TMEM232: variants seen among roughly 807,000 people sequenced by gnomAD.
TMEM232 encodes the protein transmembrane protein 232.
TMEM232 carries 80 observed loss-of-function variants against 78.8 expected under a neutral mutation model. The observed-to-expected ratio is 1.01, with a 90% CI of 0.85 to 1.22. The LOEUF (loss-of-function observed/expected upper bound fraction) is 1.22. TMEM232 is among the 50% of genes most tolerant of loss of function. The pLI is 0.00. For synonymous variants in TMEM232, 297 were observed against 254.3 expected (o/e 1.17, Z -1.60); for missense variants, 881 against 742.2 (o/e 1.19, Z -2.17).
intron 12 of TMEM232, among the ~76,000 whole-genome samples, chr5:110,470,213 T>G (rs1282195636): frequency 2.0e-5 from 3 of 152,002 alleles, no homozygotes; most frequent in Admixed American, 2.0e-4. Flanking sequence ...AACCTTCTCT[T>G]CCCCAGGGAC....
At chr5:110,522,700 G>A (rs1427967318) in intron 12 of TMEM232, among the ~76,000 whole-genome samples, 4 of 152,218 alleles carry the variant, frequency 2.6e-5, no homozygotes, top group Admixed American at 2.0e-4. Flanking sequence ...TTCTGTAAAT[G>A]TAGTATATAA....
At chr5:110,563,662 G>C (rs549728984) in intron 11 of TMEM232, among the ~76,000 whole-genome samples, 2 of 151,998 alleles carry the variant, frequency 1.3e-5, no homozygotes, top group African/African-American at 4.8e-5. Context: ...GGTTCATAGA[G>C]TGCATAAGAC....
chr5:110,711,727 T>C (rs1796501347), intron 1 of TMEM232, among the ~76,000 whole-genome samples: 1 of 152,040 alleles, frequency 6.6e-6, no homozygotes, highest in Admixed American at 6.6e-5. Flanking sequence ...AAACTGGATA[T>C]CCATAAGCAA....
chr5:110,664,636 C>CTAGT (rs1790303963), intron 2 of TMEM232, among the ~76,000 whole-genome samples: 1 of 152,208 alleles, frequency 6.6e-6, no homozygotes, highest in Non-Finnish European at 1.5e-5. Context: ...TTTATTTCTC[C>CTAGT]TAGTTCCAGA....
chr5:110,560,151 A>T (rs1167611481), intron 11 of TMEM232, among the ~76,000 whole-genome samples: 1 of 152,204 alleles, frequency 6.6e-6, no homozygotes, highest in African/African-American at 2.4e-5. Flanking sequence ...AACAGTTGTG[A>T]AGCAACTAGA....
intron 8 of TMEM232, chr5:110,617,987 G>T (rs1203228492): frequency 1.2e-5 from 2 of 173,482 alleles, no homozygotes; most frequent in Admixed American, 6.4e-5. Context: ...TTCCAGCCTG[G>T]GTGACAGAGT....
chr5:110,391,322 T>TGAGAGAGA (rs1483505581), intron 3 of TMEM232, among the ~76,000 whole-genome samples: 7 of 138,218 alleles, frequency 5.1e-5, no homozygotes, highest in African/African-American at 2.2e-4. Flanking sequence ...TGTGTGTGTG[T>TGAGAGAGA]GTGTGAGAGA....
chr5:110,545,702 T>C (rs1428565402), intron 11 of TMEM232, among the ~76,000 whole-genome samples: 1 of 152,112 alleles, frequency 6.6e-6, no homozygotes, highest in Non-Finnish European at 1.5e-5. Context: ...CAAATTTTGT[T>C]TTAAAGATTG....
chr5:110,466,410 A>G (rs1762082425), intron 12 of TMEM232, among the ~76,000 whole-genome samples: 2 of 152,198 alleles, frequency 1.3e-5, no homozygotes, highest in Non-Finnish European at 2.9e-5. Context: ...TTAGGTATAC[A>G]GAAGTTGGTT....
In TMEM232 at chr5:110,608,073, T is replaced by C. The variant is rs181020619; in HGVS notation, c.903-1786A>G. On this transcript the variant is annotated intron_variant, in intron 8 of 13. Transcript: ENST00000455884. ...AAAATCCTAATTGATGCACTTAACA[T>C]GATGCTTATGAACATGAACTTTAGA... Among the ~76,000 whole-genome samples, 729 of 152,054 alleles carry C rather than the reference T, an allele frequency of 4.8e-3. 1 individual carries two copies. The highest frequency in any genetic ancestry group is 8.4e-3 in the Non-Finnish European group (571 of 67,890).
chr5:110,673,582 A>C (rs1791641485), intron 1 of TMEM232, among the ~76,000 whole-genome samples: 1 of 152,176 alleles, frequency 6.6e-6, no homozygotes, highest in Non-Finnish European at 1.5e-5. Context: ...TTCCACTGGC[A>C]TGGAGCAATT....
chr5:110,592,660 A>C lies in TMEM232; in HGVS notation c.1276+12449T>G, dbSNP rs1046401088. Among the ~76,000 whole-genome samples, 6 of 152,168 alleles carry C rather than the reference A, an allele frequency of 3.9e-5. No homozygotes were observed. In the South Asian group the frequency reaches 1.2e-3, roughly 31 times the overall value. ...GACATCAGTGAAAGCAAAGAAAATG[A>C]AAACAAAAACAAAAACAAAAAACAA... On this transcript the variant is annotated intron_variant, in intron 10 of 13. Coordinates refer to ENST00000455884, the MANE Select transcript of TMEM232 (RefSeq NM_001039763.4).
intron 12 of TMEM232, among the ~76,000 whole-genome samples, chr5:110,477,576 C>T (rs1003411995): frequency 1.3e-4 from 19 of 151,500 alleles, no homozygotes; most frequent in Admixed American, 9.2e-4. Flanking sequence ...TCAATCACAC[C>T]GTCCTTTCAT....
At position 110,625,442 on chromosome 5, in the gene TMEM232, A is replaced by G; in HGVS notation, c.602-9T>C. The G allele has an allele frequency of 6.7e-7, 1 of 1,497,380 alleles. No individual in the cohort carries two copies. The highest frequency in any genetic ancestry group is 8.9e-7 in the Non-Finnish European group (1 of 1,121,568). The allele number at this position is 1,497,380 out of a possible 1,614,324, so 92.8% of individuals were successfully genotyped here. A position where few individuals can be genotyped will look rare whatever the true frequency, so the allele number is the denominator to read the frequency against. The stretch of plus-strand genomic sequence containing the variant: ...TCCAGAGAAAGAAAGTGCTATTGTA[A>G]GAAAAATCATCTGTGAGAAATAATT... On this transcript the variant is annotated splice_polypyrimidine_tract_variant and intron_variant, in intron 6 of 13. Coordinates refer to ENST00000455884, the MANE Select transcript of TMEM232 (RefSeq NM_001039763.4).
At chr5:110,493,374 A>C (rs1765309929) in intron 12 of TMEM232, among the ~76,000 whole-genome samples, 1 of 149,858 alleles carries the variant, frequency 6.7e-6, no homozygotes, top group Non-Finnish European at 1.5e-5. Flanking sequence ...GTCAATAGCC[A>C]AGACATTGAA....
At position 110,424,885 on chromosome 5, in the gene TMEM232, A is replaced by C. The variant is rs182471186; in HGVS notation, c.1735T>G (p.Phe579Val). 4.2e-4 allele frequency: 651 copies of C among 1,550,390 alleles called. 1 individual carries two copies. Among genetic ancestry groups the C allele is most frequent in the Non-Finnish European group, 5.2e-4 (598 of 1,146,208 alleles). ...TTGGTGAAGAAATCTGGATATGGAA[A>C]CATGGGAATTTCTGATACAGAAGGA... Reference protein sequence around the residue: ...EHPSVSEIPMFPYPDFFTKAD... With the variant: ...EHPSVSEIPMVPYPDFFTKAD... The change falls in exon 13 of 14, where the codon TTT becomes GTT. Residue 579 changes from phenylalanine (F) to valine (V), a missense_variant. Phe to Val is a conservative substitution (Grantham distance 50). Coordinates refer to ENST00000455884, the MANE Select transcript of TMEM232 (RefSeq NM_001039763.4).
chr5:110,694,897 A>G (rs1178540973), intron 1 of TMEM232, among the ~76,000 whole-genome samples: 5 of 152,186 alleles, frequency 3.3e-5, no homozygotes, highest in Non-Finnish European at 7.3e-5. Context: ...GATCAAAGAG[A>G]CAGAAAGTTC....
At chr5:110,626,878 A>T (rs1784488783) in intron 6 of TMEM232, among the ~76,000 whole-genome samples, 1 of 151,652 alleles carries the variant, frequency 6.6e-6, no homozygotes, top group African/African-American at 2.4e-5. Context: ...TACCTCCCTT[A>T]TTTCCCTTTT....
At chr5:110,428,859 G>T (rs557808752) in intron 12 of TMEM232, among the ~76,000 whole-genome samples, 4 of 151,756 alleles carry the variant, frequency 2.6e-5, no homozygotes, top group African/African-American at 9.6e-5. Context: ...AGGTACAAGG[G>T]GTTAAGACTT....
Sources: allele counts gnomAD v4.1 joint callset (sites outside exome capture counted in the v4.1 genomes callset), GRCh38; gene constraint gnomAD v4.1.1; transcripts MANE v1.5; gene names NCBI Gene and HGNC (gene_info 2026-07-23, HGNC 2026-07-21).